Variants in FARP1 observed in about 807,000 individuals in gnomAD.
FARP1 encodes FERM, ARHGEF and pleckstrin domain-containing protein 1.
Under a neutral mutation model 128.8 loss-of-function variants are expected in FARP1, and 52 were observed. That is an observed-to-expected ratio of 0.40 (90% CI 0.32 to 0.51). The LOEUF (loss-of-function observed/expected upper bound fraction) is 0.51. Among genes scored for constraint, FARP1 ranks in the 20% least tolerant of loss-of-function variants. The pLI is 0.45. For synonymous variants in FARP1, 580 were observed against 551.8 expected, an observed-to-expected ratio of 1.05 and a Z score of -0.72; for missense variants, 1,333 against 1,367.9, an observed-to-expected ratio of 0.97 and a Z score of 0.40.
chr13:98,206,056 A>G (rs1312547146), intron 1 of FARP1, among the ~76,000 whole-genome samples: 1 of 151,908 alleles, frequency 6.6e-6, no homozygotes, highest in East Asian at 1.9e-4. Flanking sequence ...GCATCTTTGT[A>G]AAGGTTTTTT....
At chr13:98,201,575 G>T (rs1879949151) in intron 1 of FARP1, among the ~76,000 whole-genome samples, 1 of 152,188 alleles carries the variant, frequency 6.6e-6, no homozygotes, top group African/African-American at 2.4e-5. Context: ...GAAATGCCTT[G>T]CTGGGAATTT....
chr13:98,349,533 T>C (rs140813011), intron 3 of FARP1, among the ~76,000 whole-genome samples: 1 of 151,774 alleles, frequency 6.6e-6, no homozygotes, highest in East Asian at 1.9e-4. Context: ...TTAGCCCGTT[T>C]GGTGGCACGC....
intron 17 of FARP1, among the ~76,000 whole-genome samples, chr13:98,427,904 GT>G (rs1028725432): frequency 1.1e-4 from 17 of 152,152 alleles, no homozygotes; most frequent in East Asian, 3.9e-4. Context: ...GTTAGTTGGG[GT>G]TTTTTTTAAT....
chr13:98,260,715 A>G (rs1883837790), intron 2 of FARP1, among the ~76,000 whole-genome samples: 1 of 152,204 alleles, frequency 6.6e-6, no homozygotes, highest in Non-Finnish European at 1.5e-5. Context: ...CAAGGCTGTG[A>G]GTTCTAACAC....
chr13:98,348,727 G>A (rs1014263916), intron 3 of FARP1, among the ~76,000 whole-genome samples: 8 of 152,192 alleles, frequency 5.3e-5, no homozygotes, highest in Non-Finnish European at 7.3e-5. Flanking sequence ...CACATATCAC[G>A]AAATGTGATT....
chr13:98,361,680 G>A (rs1469626623), intron 3 of FARP1, among the ~76,000 whole-genome samples: 1 of 152,188 alleles, frequency 6.6e-6, no homozygotes, highest in Non-Finnish European at 1.5e-5. Context: ...GAAGGCATCA[G>A]AGAGGAATTT....
In FARP1 at chr13:98,454,197, A is replaced by G. The variant is rs949987294; in HGVS notation, c.*5880A>G. 2.6e-5 allele frequency: 4 copies of G among 152,244 alleles called. No homozygotes were observed. Among genetic ancestry groups the G allele is most frequent in the South Asian group, 2.1e-4 (1 of 4,830 alleles). 9.4% of individuals were successfully genotyped at this position (152,244 alleles called of 1,614,324 possible). A position where few individuals can be genotyped will look rare whatever the true frequency, so the allele number is the denominator to read the frequency against. ...TGACCTGGTATGACAACAGAAGGCA[A>G]TGCACCCAAAGATGCTGATGAGATT... is the stretch of plus-strand genomic sequence containing the variant. On this transcript the variant is annotated 3_prime_UTR_variant, in exon 27 of 27. Transcript: ENST00000319562.
At chr13:98,208,730 A>T (rs1253985058) in intron 1 of FARP1, 2 of 152,678 alleles carry the variant, frequency 1.3e-5, no homozygotes, top group Non-Finnish European at 2.9e-5. Flanking sequence ...GACATGTTCG[A>T]TGGAAGGACA....
At chr13:98,190,726 T>G (rs776600474) in intron 1 of FARP1, among the ~76,000 whole-genome samples, 21 of 122,342 alleles carry the variant, frequency 1.7e-4, no homozygotes, top group Non-Finnish European at 3.0e-4. Flanking sequence ...CATGCCCAGC[T>G]TTTTAAGTTT....
intron 3 of FARP1, among the ~76,000 whole-genome samples, chr13:98,349,950 G>C (rs1393854674): frequency 6.6e-6 from 1 of 152,140 alleles, no homozygotes; most frequent in African/African-American, 2.4e-5. Context: ...TCCTTCATCT[G>C]TGCTTAGCCG....
chr13:98,380,615 C>T (rs930852996), intron 6 of FARP1, among the ~76,000 whole-genome samples: 5 of 151,986 alleles, frequency 3.3e-5, no homozygotes, highest in African/African-American at 9.7e-5. Context: ...TCTCTGTCAC[C>T]CAGATTGGAG....
chr13:98,424,621 G>C lies in FARP1; in HGVS notation c.1876G>C (p.Val626Leu). The change falls in exon 17 of 27, where the codon GTC (valine) becomes CTC (leucine). Residue 626 changes from valine (V) to leucine (L), a missense_variant. By Grantham distance (32) the Val-to-Leu change is conservative. Transcript: ENST00000319562. ...QIRDYQRIGDVMLKNIQGMKH... is the reference protein window; with the variant it reads ...QIRDYQRIGDLMLKNIQGMKH... The stretch of plus-strand genomic sequence containing the variant: ...CAGAGATTACCAAAGAATCGGCGAT[G>C]TCATGCTGAAGAACATTCAGGGCAT... The C allele has an allele frequency of 6.2e-7, 1 of 1,613,910 alleles. No individual in the cohort carries two copies. Among genetic ancestry groups the C allele is most frequent in the Middle Eastern group, 1.7e-4 (1 of 6,060 alleles).
intron 2 of FARP1, among the ~76,000 whole-genome samples, chr13:98,309,013 A>T (rs962879156): frequency 6.6e-5 from 10 of 151,850 alleles, no homozygotes; most frequent in Non-Finnish European, 1.3e-4. Flanking sequence ...AAAATATTAG[A>T]CATAATAATT....
chr13:98,203,611 G>C (rs1379073941), intron 1 of FARP1, among the ~76,000 whole-genome samples: 1 of 152,136 alleles, frequency 6.6e-6, no homozygotes, highest in Non-Finnish European at 1.5e-5. Flanking sequence ...ATATTCCCTG[G>C]TATGGATAGA....
At chr13:98,274,273 G>A (rs1248405574) in intron 2 of FARP1, among the ~76,000 whole-genome samples, 1 of 152,130 alleles carries the variant, frequency 6.6e-6, no homozygotes, top group Non-Finnish European at 1.5e-5. Flanking sequence ...TTCCCTGGAG[G>A]CTTTGTTGGC....
intron 1 of FARP1, among the ~76,000 whole-genome samples, chr13:98,181,271 C>A (rs961912441): frequency 6.6e-6 from 1 of 152,170 alleles, no homozygotes. Context: ...CGTAGCTTGG[C>A]TGTCTGAGGT....
chr13:98,296,807 C>T (rs565610502), intron 2 of FARP1, among the ~76,000 whole-genome samples: 139 of 150,506 alleles, frequency 9.2e-4, no homozygotes, highest in Non-Finnish European at 1.6e-3. Flanking sequence ...ACCTCTGCCT[C>T]TTGAGTAGCT....
intron 21 of FARP1, among the ~76,000 whole-genome samples, chr13:98,439,717 C>T (rs1317800922): frequency 1.3e-5 from 2 of 152,216 alleles, no homozygotes; most frequent in African/African-American, 4.8e-5. Flanking sequence ...ACGCTGTCCT[C>T]CGGGATTGGA....
chr13:98,426,773 T>C (rs1891805632), intron 17 of FARP1, among the ~76,000 whole-genome samples: 1 of 152,202 alleles, frequency 6.6e-6, no homozygotes, highest in Non-Finnish European at 1.5e-5. Flanking sequence ...AAGCAAGAAT[T>C]ACCTAAGATG....
Sources: allele counts gnomAD v4.1 joint callset (sites outside exome capture counted in the v4.1 genomes callset), GRCh38; gene constraint gnomAD v4.1.1; transcripts MANE v1.5; gene names NCBI Gene and HGNC (gene_info 2026-07-23, HGNC 2026-07-21).